NR3C1: variants seen among roughly 807,000 people sequenced by gnomAD.
The protein encoded by NR3C1 is nuclear receptor subfamily 3 group C member 1, also known as glucocorticoid receptor.
In NR3C1, 14 loss-of-function variants were observed where a neutral mutation model predicts 74.0. That is an observed-to-expected ratio of 0.19 (90% CI 0.12 to 0.30). NR3C1 has a LOEUF of 0.30. NR3C1 is among the 10% of genes least tolerant of loss of function. The probability of loss-of-function intolerance (pLI) is 1.00; values close to 1 mark genes in which losing one functional copy is unlikely to be tolerated. For missense variants in NR3C1, 695 were observed against 909.8 expected, an observed-to-expected ratio of 0.76 and a Z score of 3.04; for synonymous variants, 308 against 332.5, an observed-to-expected ratio of 0.93 and a Z score of 0.80.
intron 2 of NR3C1, among the ~76,000 whole-genome samples, chr5:143,322,777 T>C (rs1020508050): frequency 3.9e-5 from 6 of 152,196 alleles, no homozygotes; most frequent in African/African-American, 1.2e-4. Context: ...TTTCCTTCCC[T>C]CAAAGGCAAA....
Position 143,403,593 on chromosome 5 carries a change from A to C in NR3C1, c.-396T>G, listed in dbSNP as rs1305274934. 7.1e-6 allele frequency: 7 copies of C among 986,144 alleles called. No homozygotes were observed. Among genetic ancestry groups the C allele is most frequent in the South Asian group, 9.4e-5 (2 of 21,304 alleles). The allele number at this position is 986,144 out of a possible 1,614,324, so 61.1% of individuals were successfully genotyped here. A position where few individuals can be genotyped will look rare whatever the true frequency, so the allele number is the denominator to read the frequency against. Reference sequence around the variant, plus strand: ...CAGACACGAGCTCGCAAAATGGAGGAGGCGGCGGCGGAGGGAAGAGAGCGC... The same window carrying C: ...CAGACACGAGCTCGCAAAATGGAGGCGGCGGCGGCGGAGGGAAGAGAGCGC... On this transcript the variant is annotated 5_prime_UTR_variant, in exon 1 of 9. Transcript: ENST00000394464.
At chr5:143,333,725 G>A (rs12189189) in intron 2 of NR3C1, among the ~76,000 whole-genome samples, 7 of 152,192 alleles carry the variant, frequency 4.6e-5, no homozygotes, top group Admixed American at 2.0e-4. Context: ...CCAAGATTGC[G>A]CCAGTGCACT....
exon 1 of NR3C1, chr5:143,434,750 C>T (rs1752032594): frequency 1.0e-6 from 1 of 985,430 alleles, no homozygotes; most frequent in East Asian, 1.1e-4. Flanking sequence ...CTGCAGCAGT[C>T]GTCACAGAAG....
upstream of NR3C1, chr5:143,405,044 G>A: frequency 2.4e-6 from 2 of 844,972 alleles, no homozygotes; most frequent in Non-Finnish European, 2.8e-6. Flanking sequence ...AGAAAGGAGA[G>A]GGCCGTGGGG....
At chr5:143,325,424 C>T (rs1159868973) in intron 2 of NR3C1, among the ~76,000 whole-genome samples, 2 of 152,210 alleles carry the variant, frequency 1.3e-5, no homozygotes, top group African/African-American at 4.8e-5. Flanking sequence ...CCTCCCACAA[C>T]ACATAGGAAT....
chr5:143,334,412 A>G (rs1268265664), intron 2 of NR3C1, among the ~76,000 whole-genome samples: 1 of 152,212 alleles, frequency 6.6e-6, no homozygotes, highest in Non-Finnish European at 1.5e-5. Flanking sequence ...GCTTATGTTC[A>G]TGTCAAGCAC....
chr5:143,289,392 T>C (rs1006240952), intron 7 of NR3C1, among the ~76,000 whole-genome samples: 6 of 152,150 alleles, frequency 3.9e-5, no homozygotes, highest in Non-Finnish European at 5.9e-5. Context: ...ATATGGATTT[T>C]GGGGAAGAAA....
upstream of NR3C1, chr5:143,404,636 C>T (rs1840963874): frequency 1.0e-5 from 5 of 487,180 alleles, no homozygotes; most frequent in Non-Finnish European, 1.3e-5. Flanking sequence ...GGAAGTTGCA[C>T]GCCAAATGCA....
At chr5:143,359,876 C>CTCCT (rs1028887137) in intron 2 of NR3C1, among the ~76,000 whole-genome samples, 1 of 152,114 alleles carries the variant, frequency 6.6e-6, no homozygotes, top group Non-Finnish European at 1.5e-5. Flanking sequence ...TGAGATCACC[C>CTCCT]TCCTGCACCA....
intron 2 of NR3C1, among the ~76,000 whole-genome samples, chr5:143,335,868 A>T (rs1323235345): frequency 1.3e-5 from 2 of 152,222 alleles, no homozygotes; most frequent in Non-Finnish European, 2.9e-5. Context: ...CCTAGAAGGG[A>T]CTGGAAAGCC....
chr5:143,351,469 C>A (rs531859532), intron 2 of NR3C1, among the ~76,000 whole-genome samples: 1 of 152,260 alleles, frequency 6.6e-6, no homozygotes, highest in African/African-American at 2.4e-5. Flanking sequence ...GAATAATTTT[C>A]CTCTTTTGTT....
chr5:143,425,119 A>C (rs999701711), intron 1 of NR3C1, among the ~76,000 whole-genome samples: 1 of 152,170 alleles, frequency 6.6e-6, no homozygotes, highest in Non-Finnish European at 1.5e-5. Flanking sequence ...TTTTACAAGA[A>C]TACCAAGACC....
chr5:143,369,591 G>A (rs555002318), intron 2 of NR3C1, among the ~76,000 whole-genome samples: 13 of 152,218 alleles, frequency 8.5e-5, no homozygotes, highest in Non-Finnish European at 1.8e-4. Flanking sequence ...AAATAAGCCA[G>A]GTACAAGAAG....
Position 143,281,774 on chromosome 5 carries a change from CA to C in NR3C1, c.*114del. 8.5e-7 allele frequency: 1 copy of C among 1,180,122 alleles called. No homozygotes were observed. The highest frequency in any genetic ancestry group is 1.3e-5 in the South Asian group (1 of 75,952). The allele number at this position is 1,180,122 out of a possible 1,614,324, so 73.1% of individuals were successfully genotyped here. ...GTAGTGCGTATTTAAAACAAAACAA[CA>C]GATGAAAACAATAAAAAATAAAACA... On this transcript the variant is annotated 3_prime_UTR_variant, in exon 9 of 9. Transcript: ENST00000394464.
At chr5:143,381,466 A>G (rs1489540464) in intron 2 of NR3C1, among the ~76,000 whole-genome samples, 3 of 152,174 alleles carry the variant, frequency 2.0e-5, no homozygotes, top group African/African-American at 7.2e-5. Context: ...ATGGAACCAC[A>G]AAAGCCCCGG....
At position 143,400,868 on chromosome 5, in the gene NR3C1, C is replaced by A. The variant is rs1194308051; in HGVS notation, c.-13-16G>T. 7.6e-6 allele frequency: 12 copies of A among 1,582,206 alleles called. No homozygotes were observed. Among genetic ancestry groups the A allele is most frequent in the Non-Finnish European group, 1.0e-5 (12 of 1,156,086 alleles). ...TGAATATCAACTACAAAACAAAAAACAAAAACGGGGGGAAAACATCATAAG... is the reference window on the plus strand; with the variant it reads ...TGAATATCAACTACAAAACAAAAAAAAAAAACGGGGGGAAAACATCATAAG... On this transcript the variant is annotated splice_polypyrimidine_tract_variant and intron_variant, in intron 1 of 8. Coordinates refer to ENST00000394464, the MANE Select transcript of NR3C1 (RefSeq NM_000176.3).
At chr5:143,313,831 G>T (rs1181793762) in intron 3 of NR3C1, among the ~76,000 whole-genome samples, 171 bp downstream of exon 3, 2 of 151,946 alleles carry the variant, frequency 1.3e-5, no homozygotes, top group African/African-American at 4.8e-5. Context: ...TTTTTGTATT[G>T]TTGTTTTAAA....
At chr5:143,419,263 T>C (rs1483324081) in intron 1 of NR3C1, among the ~76,000 whole-genome samples, 1 of 152,236 alleles carries the variant, frequency 6.6e-6, no homozygotes, top group Non-Finnish European at 1.5e-5. Flanking sequence ...CATGCTGTTA[T>C]ACCTGTTCTC....
At chr5:143,294,866 T>C (rs912029955) in intron 7 of NR3C1, 71 of 910,826 alleles carry the variant, frequency 7.8e-5, no homozygotes, top group African/African-American at 4.1e-4. Flanking sequence ...GGATGTATCA[T>C]AGTTTATCAC....
Sources: gnomAD v4.1 joint callset for allele counts (sites outside exome capture counted in the v4.1 genomes callset) on GRCh38, gnomAD v4.1.1 for gene constraint, MANE v1.5 for transcripts, NCBI Gene and HGNC (gene_info 2026-07-23, HGNC 2026-07-21) for gene names.